Variants in SHTN1 observed in about 807,000 individuals in gnomAD.
SHTN1 encodes the protein shootin-1.
Under a neutral mutation model 83.1 loss-of-function variants are expected in SHTN1, and 42 were observed. The ratio of observed to expected loss-of-function variants is 0.51; its 90% CI spans 0.39 to 0.65. The LOEUF (loss-of-function observed/expected upper bound fraction) is 0.65, where lower values mean the gene tolerates loss of function less well. Among genes scored for constraint, SHTN1 ranks in the 30% least tolerant of loss-of-function variants. The pLI is 0.00. For missense variants in SHTN1, 622 were observed against 737.8 expected, an observed-to-expected ratio of 0.84 and a Z score of 1.82; for synonymous variants, 224 against 247.7, an observed-to-expected ratio of 0.90 and a Z score of 0.90.
chr10:117,059,420 C>T (rs1051317709), intron 1 of SHTN1, among the ~76,000 whole-genome samples: 1 of 152,164 alleles, frequency 6.6e-6, no homozygotes, highest in African/African-American at 2.4e-5. Flanking sequence ...AACCTGTACA[C>T]AAATGTTCAC....
At chr10:117,062,475 G>C (rs371562065) in intron 1 of SHTN1, among the ~76,000 whole-genome samples, 31 of 152,194 alleles carry the variant, frequency 2.0e-4, no homozygotes, top group Middle Eastern at 6.8e-3. Context: ...AGAATTCTAG[G>C]CTAGATACTA....
intron 1 of SHTN1, among the ~76,000 whole-genome samples, chr10:117,087,138 G>A (rs1853363089): frequency 1.3e-5 from 2 of 152,048 alleles, no homozygotes; most frequent in Non-Finnish European, 2.9e-5. Context: ...ATTGCTTAAT[G>A]GGTGCAATAA....
intron 1 of SHTN1, among the ~76,000 whole-genome samples, chr10:117,082,700 C>CT (rs1853289179): frequency 6.7e-6 from 1 of 149,982 alleles, no homozygotes; most frequent in African/African-American, 2.4e-5. Context: ...TCAGGACTTG[C>CT]TTTATGAATC....
chr10:116,955,647 T>A (rs74159017), intron 4 of SHTN1, among the ~76,000 whole-genome samples: 1 of 152,142 alleles, frequency 6.6e-6, no homozygotes, highest in African/African-American at 2.4e-5. Flanking sequence ...CAGCCCACTT[T>A]AATCTGGGAG....
chr10:116,967,533 C>A (rs992949718), intron 3 of SHTN1, among the ~76,000 whole-genome samples: 2 of 152,200 alleles, frequency 1.3e-5, no homozygotes, highest in African/African-American at 2.4e-5. Context: ...ACCATCACCA[C>A]CATCAAGGCT....
intron 1 of SHTN1, among the ~76,000 whole-genome samples, chr10:117,074,900 C>T (rs1346309705): frequency 6.6e-6 from 1 of 151,916 alleles, no homozygotes; most frequent in African/African-American, 2.4e-5. Context: ...AGCTAAGGCT[C>T]TATACTTGAG....
intron 3 of SHTN1, among the ~76,000 whole-genome samples, chr10:116,966,940 C>T (rs1358180576): frequency 1.3e-5 from 2 of 152,188 alleles, no homozygotes; most frequent in Admixed American, 1.3e-4. Flanking sequence ...AGCACATTGG[C>T]CTCCAAAGAC....
intron 16 of SHTN1, among the ~76,000 whole-genome samples, chr10:116,892,681 G>A (rs1847375251): frequency 1.3e-5 from 2 of 152,126 alleles, no homozygotes; most frequent in African/African-American, 4.8e-5. Context: ...AAGATCGAAA[G>A]TCACAAATTA....
intron 1 of SHTN1, among the ~76,000 whole-genome samples, chr10:117,095,037 G>A (rs542100458): frequency 6.6e-6 from 1 of 152,166 alleles, no homozygotes; most frequent in East Asian, 1.9e-4. Context: ...AAGCAAGAAG[G>A]CTCATTGTTT....
At chr10:117,033,253 T>C (rs1852446880) in intron 2 of SHTN1, among the ~76,000 whole-genome samples, 1 of 152,106 alleles carries the variant, frequency 6.6e-6, no homozygotes, top group Admixed American at 6.6e-5. Context: ...CAAAAAGTTT[T>C]TTTTTAAACT....
intron 1 of SHTN1, among the ~76,000 whole-genome samples, chr10:117,093,981 A>G (rs1676505270): frequency 6.6e-6 from 1 of 152,176 alleles, no homozygotes; most frequent in Non-Finnish European, 1.5e-5. Flanking sequence ...TTCTTCCAAT[A>G]TATTATTTTT....
intron 12 of SHTN1, among the ~76,000 whole-genome samples, chr10:116,919,234 T>A (rs1848472453): frequency 6.6e-6 from 1 of 152,214 alleles, no homozygotes; most frequent in Non-Finnish European, 1.5e-5. Context: ...TCAACAACTA[T>A]TTTTTCAGTG....
Position 116,927,911 on chromosome 10 carries a change from T to G in SHTN1, c.1013-20A>C, listed in dbSNP as rs927306483. On this transcript the variant is annotated intron_variant, in intron 10 of 16. Transcript: ENST00000355371. ...CATCAACTGCACAGAGAGCAAACAT[T>G]CAGAAGAGAGCTGAAATAAGCAACT... The G allele has an allele frequency of 6.2e-6, 10 of 1,611,648 alleles. No homozygotes were observed. The Admixed American group carries it at 8.4e-5, about 13-fold the overall frequency.
intron 4 of SHTN1, among the ~76,000 whole-genome samples, chr10:116,959,494 C>T (rs938233875): frequency 6.6e-6 from 1 of 152,132 alleles, no homozygotes; most frequent in Non-Finnish European, 1.5e-5. Flanking sequence ...TTGAAAATTG[C>T]TGTAATCCAC....
intron 8 of SHTN1, among the ~76,000 whole-genome samples, chr10:116,941,922 A>G (rs1029331918): frequency 6.6e-6 from 1 of 152,256 alleles, no homozygotes; most frequent in Non-Finnish European, 1.5e-5. Context: ...TGAAAAGCCT[A>G]CAAAACTACG....
At chr10:117,060,747 T>C (rs979575923) in intron 1 of SHTN1, among the ~76,000 whole-genome samples, 3 of 152,246 alleles carry the variant, frequency 2.0e-5, no homozygotes, top group Non-Finnish European at 4.4e-5. Context: ...ATGATGACTG[T>C]ACCATCTTGA....
intron 2 of SHTN1, among the ~76,000 whole-genome samples, chr10:116,969,309 T>G (rs1273996037): frequency 6.6e-6 from 1 of 151,978 alleles, no homozygotes; most frequent in Non-Finnish European, 1.5e-5. Context: ...GGCGTGGTGG[T>G]GCGCACCTGT....
intron 1 of SHTN1, among the ~76,000 whole-genome samples, chr10:117,004,681 C>A (rs1013290972): frequency 6.6e-6 from 1 of 152,094 alleles, no homozygotes; most frequent in Non-Finnish European, 1.5e-5. Flanking sequence ...CCTGCCCCAC[C>A]CGCTTCTCCG....
At chr10:116,942,395 T>A (rs189687779) in intron 8 of SHTN1, among the ~76,000 whole-genome samples, 1 of 152,082 alleles carries the variant, frequency 6.6e-6, no homozygotes. Flanking sequence ...GTATTTTTAG[T>A]AGAGATGGGG....
Sources: gnomAD v4.1 joint callset for allele counts (sites outside exome capture counted in the v4.1 genomes callset) on GRCh38, gnomAD v4.1.1 for gene constraint, MANE v1.5 for transcripts, NCBI Gene and HGNC (gene_info 2026-07-23, HGNC 2026-07-21) for gene names.